Variants in WDR45 observed in about 807,000 individuals in gnomAD.
WDR45 encodes the protein WD repeat domain phosphoinositide-interacting protein 4.
Under a neutral mutation model 27.3 loss-of-function variants are expected in WDR45, and 2 were observed. The observed-to-expected ratio is 0.07, with a 90% CI of 0.03 to 0.23. WDR45 has a LOEUF of 0.23. Among genes scored for constraint, WDR45 ranks in the 10% least tolerant of loss-of-function variants. The pLI is 1.00. For missense variants in WDR45, 175 were observed against 311.9 expected, an observed-to-expected ratio of 0.56 and a Z score of 3.31; for synonymous variants, 99 against 119.2, an observed-to-expected ratio of 0.83 and a Z score of 1.11.
chrX:49,095,170 T>C (rs782333720), intron 2 of WDR45, among the ~76,000 whole-genome samples: 4 of 110,847 alleles, frequency 3.6e-5, no homozygotes, highest in South Asian at 3.9e-4. Context: ...TACAGTGATA[T>C]CACTTTCATG....
intron 2 of WDR45, among the ~76,000 whole-genome samples, chrX:49,093,080 T>A (rs2065113012): frequency 9.2e-6 from 1 of 108,601 alleles, no homozygotes; most frequent in African/African-American, 3.4e-5. Context: ...GGATTACAGG[T>A]GCCCACCACC....
upstream of WDR45, chrX:49,082,234 AT>A (rs1940953434): frequency 1.6e-4 from 4 of 24,514 alleles, no homozygotes; most frequent in Non-Finnish European, 0.011. Context: ...CATTGATGAA[AT>A]CCCCCCTTTA....
upstream of WDR45, among the ~76,000 whole-genome samples, chrX:49,083,273 A>C (rs2065075005): frequency 9.4e-6 from 1 of 106,886 alleles, no homozygotes; most frequent in African/African-American, 3.4e-5. Flanking sequence ...CGGCCTCCCA[A>C]AGTGCTGGGA....
rs782238310 is a variant in WDR45 at position 49,075,547 on chromosome X, G to A, written c.723C>T (p.Tyr241=). The change falls in exon 8 of 11, where the codon TAC becomes TAT. Residue 241 remains tyrosine, a splice_region_variant and synonymous_variant. Transcript: ENST00000376372. ...LRRGTDPATL[Y]CINFSHDSSF... Reference sequence around the variant, plus strand: ...CACCATGCATACCCTGTGCTCACCAGTAGAGGGTGGCAGGGTCAGTGCCTC... The same window carrying A: ...CACCATGCATACCCTGTGCTCACCAATAGAGGGTGGCAGGGTCAGTGCCTC... The A allele has an allele frequency of 4.1e-6, 5 of 1,210,117 alleles. No individual in the cohort carries two copies. Among genetic ancestry groups the A allele is most frequent in the African/African-American group, 3.5e-5 (2 of 57,329 alleles).
intron 2 of WDR45, among the ~76,000 whole-genome samples, chrX:49,091,436 G>A (rs782767946): frequency 1.9e-5 from 2 of 106,869 alleles, no homozygotes; most frequent in South Asian, 4.2e-4. Flanking sequence ...GCGAGACTCC[G>A]TCTCAAAAAT....
At chrX:49,083,802 C>T (rs1249570563), upstream of WDR45, among the ~76,000 whole-genome samples, 1 of 106,764 alleles carries the variant, frequency 9.4e-6, no homozygotes, top group African/African-American at 3.4e-5. Context: ...CAAAAATTAG[C>T]TGGGTGTGGT....
intron 2 of WDR45, among the ~76,000 whole-genome samples, chrX:49,087,471 C>T (rs908066958): frequency 8.0e-5 from 9 of 111,884 alleles, no homozygotes; most frequent in Middle Eastern, 4.6e-3. Flanking sequence ...TGCAGTGAGT[C>T]GAGATTGTGC....
intron 2 of WDR45, among the ~76,000 whole-genome samples, chrX:49,094,165 G>A (rs1280239999): frequency 9.0e-6 from 1 of 111,112 alleles, no homozygotes; most frequent in Non-Finnish European, 1.9e-5. Flanking sequence ...AGGAGGCAAT[G>A]TGTGTTAAGA....
chrX:49,096,291 C>G (rs782210709), intron 2 of WDR45, among the ~76,000 whole-genome samples: 2 of 110,864 alleles, frequency 1.8e-5, no homozygotes, highest in African/African-American at 3.3e-5. Flanking sequence ...AGTGCAGTGG[C>G]GTAATCATGG....
chrX:49,092,035 C>T (rs1277497441), intron 2 of WDR45, among the ~76,000 whole-genome samples: 17 of 93,840 alleles, frequency 1.8e-4, no homozygotes, highest in African/African-American at 5.1e-4. Flanking sequence ...GCAGGAGAAT[C>T]GCTTGAACCC....
Position 49,078,086 on chromosome X carries a change from G to C in WDR45, c.10C>G (p.Gln4Glu). The C allele has an allele frequency of 2.5e-6, 3 of 1,211,897 alleles. No individual in the cohort carries two copies. Among genetic ancestry groups the C allele is most frequent in the Non-Finnish European group, 3.4e-6 (3 of 895,404 alleles). ...AGGCTGGTCACTCCTCGAAGTGGCT[G>C]TTGAGTCATGGTGCAGGATTGTTCC... The part of the protein sequence containing the change: MTQ[Q>E]PLRGVTSLRF... The change falls in exon 2 of 11, where the codon CAG (glutamine) becomes GAG (glutamate). Residue 4 changes from glutamine to glutamate, a missense_variant. By Grantham distance (29) the Gln-to-Glu change is conservative. Coordinates refer to ENST00000376372, the MANE Select transcript of WDR45 (RefSeq NM_001029896.2).
chrX:49,074,969 CTCTCAGGCA>C lies in WDR45; in HGVS notation c.974-66_974-58del, dbSNP rs2065027793. 28 of 1,127,106 alleles carry C rather than the reference CTCTCAGGCA, an allele frequency of 2.5e-5. No homozygotes were observed. In the East Asian group the frequency reaches 8.4e-4, roughly 34 times the overall value. The allele number at this position is 1,127,106 out of a possible 1,213,427, so 92.9% of individuals were successfully genotyped here. A position where few individuals can be genotyped will look rare whatever the true frequency, so the allele number is the denominator to read the frequency against. On this transcript the variant is annotated intron_variant, in intron 10 of 10. Coordinates refer to ENST00000376372, the MANE Select transcript of WDR45 (RefSeq NM_001029896.2). ...GCTGCCACAGCCACAGGCTCCAGTCCTCTCAGGCATCTCAGGACCTAGGGTCTGCCTCCA... is the reference window on the plus strand; with the variant it reads ...GCTGCCACAGCCACAGGCTCCAGTCCTCTCAGGACCTAGGGTCTGCCTCCA...
At position 49,089,444 on chromosome X, in the gene WDR45, G is replaced by C. The variant is rs782170125; in HGVS notation, c.-18+10761C>G. 2.7e-5 allele frequency among the ~76,000 whole-genome samples: 3 copies of C among 110,339 alleles called. No homozygotes were observed. The East Asian group carries it at 8.8e-4, about 32-fold the overall frequency. ...GAGTCTCACTCTGTTACCCAGGCTG[G>C]AGTGCAGTGGTGTGATCTCAGCTCA... On this transcript the variant is annotated intron_variant, in intron 2 of 11. Coordinates refer to the WDR45 transcript ENST00000356463.
chrX:49,076,993 C>T (rs1416769402), intron 4 of WDR45: 7 of 380,067 alleles, frequency 1.8e-5, no homozygotes, highest in Non-Finnish European at 3.2e-5. Context: ...GAGTGTCTGG[C>T]CAAGGACCTC....
chrX:49,085,214 G>T (rs1303563444), intron 2 of WDR45, among the ~76,000 whole-genome samples: 1 of 110,454 alleles, frequency 9.1e-6, no homozygotes, highest in Non-Finnish European at 1.9e-5. Context: ...AGTATTTAGC[G>T]GAGTGCTTAT....
chrX:49,074,750 G>A lies in WDR45; in HGVS notation c.*53C>T, dbSNP rs2065026298. 1 of 1,061,091 alleles carries A rather than the reference G, an allele frequency of 9.4e-7. No homozygotes were observed. The highest frequency in any genetic ancestry group is 1.3e-6 in the Non-Finnish European group (1 of 762,739). 87.4% of individuals were successfully genotyped at this position (1,061,091 alleles called of 1,213,427 possible). On this transcript the variant is annotated 3_prime_UTR_variant, in exon 11 of 11. Coordinates refer to ENST00000376372, the MANE Select transcript of WDR45 (RefSeq NM_001029896.2). The stretch of plus-strand genomic sequence containing the variant: ...CTTCCAAGCACGCCCCACTGCCAAG[G>A]CTCAGCTCTGCAGTTCTGCCACTGC...
intron 4 of WDR45, 134 bp from the exon 5 acceptor site, chrX:49,076,884 C>T: frequency 2.0e-6 from 1 of 504,960 alleles, no homozygotes; most frequent in Non-Finnish European, 3.5e-6. Flanking sequence ...CCAGTGAGAT[C>T]CTCGCACAGC....
chrX:49,077,025 A>G lies in WDR45; in HGVS notation c.236-275T>C, dbSNP rs925457406. Reference sequence around the variant, plus strand: ...CCTCAAAGCTCATCAGCAACCAAACAGGGACTCACACTCAGGCCTGTAACT... The same window carrying G: ...CCTCAAAGCTCATCAGCAACCAAACGGGGACTCACACTCAGGCCTGTAACT... On this transcript the variant is annotated intron_variant, in intron 4 of 10. Coordinates refer to ENST00000376372, the MANE Select transcript of WDR45 (RefSeq NM_001029896.2). The G allele has an allele frequency of 2.9e-5, 10 of 344,108 alleles. No individual in the cohort carries two copies. In the Admixed American group the frequency reaches 4.5e-4, roughly 16 times the overall value. The allele number at this position is 344,108 out of a possible 1,213,427, so 28.4% of individuals were successfully genotyped here. A position where few individuals can be genotyped will look rare whatever the true frequency, so the allele number is the denominator to read the frequency against.
At chrX:49,090,900 C>T (rs2065102441) in intron 2 of WDR45, among the ~76,000 whole-genome samples, 1 of 107,136 alleles carries the variant, frequency 9.3e-6, no homozygotes, top group Admixed American at 1.0e-4. Context: ...GTGGCGCGAT[C>T]TCGGCTCACT....
Sources: allele counts gnomAD v4.1 joint callset (sites outside exome capture counted in the v4.1 genomes callset), GRCh38; gene constraint gnomAD v4.1.1; transcripts MANE v1.5; gene names NCBI Gene and HGNC (gene_info 2026-07-23, HGNC 2026-07-21).